The following ERC2 variants were observed in gnomAD, a reference collection of about 807,000 sequenced individuals.
The protein encoded by ERC2 is ERC protein 2.
In ERC2, 42 loss-of-function variants were observed where a neutral mutation model predicts 114.8. The observed-to-expected ratio is 0.37, with a 90% CI of 0.29 to 0.47. The LOEUF is 0.47. Among genes scored for constraint, ERC2 ranks in the 20% least tolerant of loss-of-function variants. The pLI, the probability that ERC2 is intolerant of heterozygous loss-of-function variation, is 0.99. For missense variants in ERC2, 939 were observed against 1,150.7 expected (o/e 0.82, Z 2.66); for synonymous variants, 454 against 425.5 (o/e 1.07, Z -0.82).
At chr3:55,995,057 G>A (rs190136201) in intron 10 of ERC2, among the ~76,000 whole-genome samples, 13 of 152,226 alleles carry the variant, frequency 8.5e-5, no homozygotes, top group East Asian at 1.9e-4. Context: ...AACCTCGGCC[G>A]GGTGCGGTGG....
At chr3:55,541,396 A>G (rs561591570) in intron 17 of ERC2, among the ~76,000 whole-genome samples, 2 of 152,314 alleles carry the variant, frequency 1.3e-5, no homozygotes, top group Non-Finnish European at 1.5e-5. Flanking sequence ...TTAGGTTGTC[A>G]AATCACGCCA....
chr3:56,428,232 C>G (rs1406535675), intron 2 of ERC2, among the ~76,000 whole-genome samples: 1 of 152,070 alleles, frequency 6.6e-6, no homozygotes, highest in East Asian at 1.9e-4. Context: ...GTTGAAATGG[C>G]CCTGCAGGCT....
chr3:56,136,812 G>GA (rs983713691), intron 6 of ERC2, among the ~76,000 whole-genome samples: 11 of 151,096 alleles, frequency 7.3e-5, no homozygotes, highest in East Asian at 1.9e-4. Flanking sequence ...ATCTTAAAAG[G>GA]AAAAAAAAGG....
chr3:56,006,578 G>A (rs1165231475), intron 10 of ERC2, among the ~76,000 whole-genome samples: 4 of 152,040 alleles, frequency 2.6e-5, no homozygotes, highest in African/African-American at 9.7e-5. Flanking sequence ...CCACAAAAAT[G>A]TCTGGGTCAG....
intron 13 of ERC2, among the ~76,000 whole-genome samples, chr3:55,906,821 T>G (rs2064483550): frequency 6.6e-6 from 1 of 152,170 alleles, no homozygotes; most frequent in Non-Finnish European, 1.5e-5. Context: ...AGTGTTTCTG[T>G]GTTTGGGGGA....
chr3:55,724,733 C>G (rs2064804169), intron 15 of ERC2, among the ~76,000 whole-genome samples: 1 of 152,206 alleles, frequency 6.6e-6, no homozygotes, highest in South Asian at 2.1e-4. Context: ...ATACCCACTC[C>G]TAAGCCTCAC....
In ERC2 at chr3:56,200,441, C is replaced by T. The variant is rs148623975; in HGVS notation, c.1075-26921G>A. On this transcript the variant is annotated intron_variant, in intron 3 of 17. Coordinates refer to ENST00000288221, the MANE Select transcript of ERC2 (RefSeq NM_015576.3). ...GTTACTCAGATTAATCAGTTCCTCCCACCAGGGCCACCCTCACCCAACTGT... is the reference window on the plus strand; with the variant it reads ...GTTACTCAGATTAATCAGTTCCTCCTACCAGGGCCACCCTCACCCAACTGT... 2.3e-3 allele frequency among the ~76,000 whole-genome samples: 343 copies of T among 152,206 alleles called. 4 individuals carry two copies. Among genetic ancestry groups the T allele is most frequent in the African/African-American group, 7.7e-3 (318 of 41,530 alleles).
At chr3:55,591,554 A>G (rs2057881992) in intron 17 of ERC2, among the ~76,000 whole-genome samples, 1 of 148,210 alleles carries the variant, frequency 6.7e-6, no homozygotes, top group Admixed American at 6.8e-5. Flanking sequence ...GAGGAGAATG[A>G]CCCCTCAGAA....
intron 7 of ERC2, among the ~76,000 whole-genome samples, chr3:56,071,518 G>T (rs2076738465): frequency 6.6e-6 from 1 of 152,194 alleles, no homozygotes; most frequent in Admixed American, 6.5e-5. Flanking sequence ...AAAGTTACAT[G>T]TCTTTTAAAA....
At chr3:55,761,472 G>A (rs889692965) in intron 14 of ERC2, among the ~76,000 whole-genome samples, 11 of 151,778 alleles carry the variant, frequency 7.2e-5, no homozygotes, top group Admixed American at 3.3e-4. Flanking sequence ...CCTATTTATA[G>A]GCCATGGGTT....
intron 14 of ERC2, among the ~76,000 whole-genome samples, chr3:55,777,941 T>G (rs536970860): frequency 1.2e-4 from 19 of 152,328 alleles, no homozygotes; most frequent in African/African-American, 4.6e-4. Context: ...TTTTATTTTC[T>G]AAAGAGAAAC....
At chr3:56,409,662 TAG>T (rs1346206966) in intron 2 of ERC2, among the ~76,000 whole-genome samples, 2 of 151,892 alleles carry the variant, frequency 1.3e-5, no homozygotes, top group African/African-American at 4.8e-5. Flanking sequence ...GAAAAAATCA[TAG>T]CTAGGATATT....
At chr3:56,034,434 GA>G (rs1415041680) in intron 7 of ERC2, among the ~76,000 whole-genome samples, 1 of 152,068 alleles carries the variant, frequency 6.6e-6, no homozygotes, top group Non-Finnish European at 1.5e-5. Flanking sequence ...CATCTAGACA[GA>G]AAAACAATCA....
chr3:55,995,784 G>A (rs1334608270), intron 10 of ERC2, among the ~76,000 whole-genome samples: 1 of 152,186 alleles, frequency 6.6e-6, no homozygotes, highest in East Asian at 1.9e-4. Flanking sequence ...TAACCAGCAT[G>A]AATGTGTTCT....
At chr3:56,303,462 C>T (rs1348889700) in intron 2 of ERC2, among the ~76,000 whole-genome samples, 1 of 152,166 alleles carries the variant, frequency 6.6e-6, no homozygotes. Flanking sequence ...TCTGGTATAC[C>T]ATCCCAGGAC....
intron 2 of ERC2, among the ~76,000 whole-genome samples, chr3:56,322,101 G>A (rs1365700799): frequency 6.6e-6 from 1 of 152,152 alleles, no homozygotes; most frequent in Non-Finnish European, 1.5e-5. Flanking sequence ...ACAGAGCGTG[G>A]CAGTTTCCTC....
At chr3:56,420,531 C>G (rs2061345631) in intron 2 of ERC2, among the ~76,000 whole-genome samples, 1 of 151,914 alleles carries the variant, frequency 6.6e-6, no homozygotes. Context: ...TAAAAGTTTA[C>G]AGATCCTAAT....
intron 3 of ERC2, among the ~76,000 whole-genome samples, chr3:56,214,441 G>T (rs1014534212): frequency 6.6e-6 from 1 of 152,054 alleles, no homozygotes; most frequent in Non-Finnish European, 1.5e-5. Flanking sequence ...GAAGTTTAGA[G>T]AAAAAAGAAT....
chr3:55,967,425 G>T lies in ERC2; in HGVS notation c.2268-16865C>A, dbSNP rs866555993. The stretch of plus-strand genomic sequence containing the variant: ...TTCCTGATGATAGGGTCTCAACCTC[G>T]TATTTCTCAGCCCATGCAGTGATTC... On this transcript the variant is annotated intron_variant, in intron 12 of 17. Coordinates refer to ENST00000288221, the MANE Select transcript of ERC2 (RefSeq NM_015576.3). Among the ~76,000 whole-genome samples the T allele has an allele frequency of 2.0e-5, 3 of 152,228 alleles. 1 individual carries two copies. The East Asian group carries it at 5.8e-4, about 29-fold the overall frequency.
Sources: allele counts gnomAD v4.1 joint callset (sites outside exome capture counted in the v4.1 genomes callset), GRCh38; gene constraint gnomAD v4.1.1; transcripts MANE v1.5; gene names NCBI Gene and HGNC (gene_info 2026-07-23, HGNC 2026-07-21).